Variants in EPM2A observed in about 807,000 individuals in gnomAD.
EPM2A encodes the protein EPM2A glucan phosphatase, laforin.
In EPM2A, 21 loss-of-function variants were observed where a neutral mutation model predicts 26.5. The ratio of observed to expected loss-of-function variants is 0.79; its 90% CI spans 0.56 to 1.14. The LOEUF (loss-of-function observed/expected upper bound fraction) is 1.14, where lower values mean the gene tolerates loss of function less well. Among genes scored for constraint, EPM2A ranks in the 50% most tolerant of loss-of-function variants. EPM2A has a pLI of 0.00. For missense variants in EPM2A, 458 were observed against 440.8 expected (o/e 1.04, Z -0.35); for synonymous variants, 217 against 177.6 (o/e 1.22, Z -1.76).
At chr6:145,560,300 T>C (rs1023531657) in intron 2 of EPM2A, among the ~76,000 whole-genome samples, 14 of 152,160 alleles carry the variant, frequency 9.2e-5, no homozygotes, top group Non-Finnish European at 1.8e-4. Flanking sequence ...AAATGTCTCA[T>C]AGCATATGAG....
chr6:145,591,023 A>G (rs528693125), intron 2 of EPM2A, among the ~76,000 whole-genome samples: 2 of 152,296 alleles, frequency 1.3e-5, no homozygotes, highest in South Asian at 4.1e-4. Context: ...ACATAAGCAG[A>G]GAGATAAGAA....
chr6:145,423,242 C>T (rs1778812048), intron 4 of EPM2A, among the ~76,000 whole-genome samples: 4 of 152,060 alleles, frequency 2.6e-5, no homozygotes. Context: ...TTGCTTCATC[C>T]CTCTGAAAGG....
chr6:145,403,445 A>G (rs964666835), intron 4 of EPM2A, among the ~76,000 whole-genome samples: 3 of 150,382 alleles, frequency 2.0e-5, no homozygotes, highest in African/African-American at 7.4e-5. Flanking sequence ...GCCTCTGGTA[A>G]CCACCCTCTT....
chr6:145,677,749 C>A (rs1378550973), intron 2 of EPM2A, among the ~76,000 whole-genome samples: 1 of 152,140 alleles, frequency 6.6e-6, no homozygotes, highest in Non-Finnish European at 1.5e-5. Flanking sequence ...TTAAGGAGAA[C>A]TACAAACCAC....
At chr6:145,697,442 A>G (rs936416333) in intron 1 of EPM2A, among the ~76,000 whole-genome samples, 3 of 152,130 alleles carry the variant, frequency 2.0e-5, no homozygotes, top group Admixed American at 1.3e-4. Context: ...TCGGGCACAC[A>G]TTGTCAATGA....
chr6:145,418,613 A>G (rs955473883), intron 4 of EPM2A, among the ~76,000 whole-genome samples: 1 of 152,188 alleles, frequency 6.6e-6, no homozygotes, highest in Non-Finnish European at 1.5e-5. Context: ...TTCCTTGGGT[A>G]ACAACACCCT....
intron 4 of EPM2A, among the ~76,000 whole-genome samples, chr6:145,432,663 G>C (rs1422892298): frequency 6.6e-6 from 1 of 152,100 alleles, no homozygotes; most frequent in African/African-American, 2.4e-5. Flanking sequence ...TTTTAGAATG[G>C]TAAATGAGTA....
chr6:145,706,816 A>T (rs1461488846), intron 1 of EPM2A, among the ~76,000 whole-genome samples: 1 of 152,214 alleles, frequency 6.6e-6, no homozygotes, highest in African/African-American at 2.4e-5. Context: ...TTATTTGAAG[A>T]GGCCACTTGC....
intron 2 of EPM2A, among the ~76,000 whole-genome samples, chr6:145,527,694 A>T (rs1270243576): frequency 6.6e-6 from 1 of 152,124 alleles, no homozygotes; most frequent in Non-Finnish European, 1.5e-5. Context: ...TCTTAAAGAC[A>T]GAAGAAGGAT....
chr6:145,501,670 A>AC (rs1779891785), exon 4 of EPM2A: 2 of 408,662 alleles, frequency 4.9e-6, no homozygotes, highest in African/African-American at 4.1e-5. Context: ...AGAAGGAGTT[A>AC]CGAAGATTGT....
intron 4 of EPM2A, among the ~76,000 whole-genome samples, chr6:145,404,150 T>C (rs1778535099): frequency 6.6e-6 from 1 of 152,098 alleles, no homozygotes; most frequent in African/African-American, 2.4e-5. Context: ...GAGCTCCTTA[T>C]ATATCCTGGT....
chr6:145,409,273 G>T (rs1405682659), intron 4 of EPM2A, among the ~76,000 whole-genome samples: 1 of 151,994 alleles, frequency 6.6e-6, no homozygotes, highest in Admixed American at 6.6e-5. Context: ...TCTGGGAAGT[G>T]ATCACAAAAA....
chr6:145,645,730 A>T (rs1777411490), intron 2 of EPM2A, among the ~76,000 whole-genome samples: 2 of 152,004 alleles, frequency 1.3e-5, no homozygotes, highest in African/African-American at 4.8e-5. Flanking sequence ...CCTCCCAAGT[A>T]GCTGGGACTA....
At chr6:145,524,598 T>G (rs1180997084) in intron 2 of EPM2A, among the ~76,000 whole-genome samples, 1 of 152,176 alleles carries the variant, frequency 6.6e-6, no homozygotes, top group Non-Finnish European at 1.5e-5. Flanking sequence ...TCTGTTCACA[T>G]CCTTTGCCCA....
intron 1 of EPM2A, among the ~76,000 whole-genome samples, chr6:145,725,475 A>G (rs1291836618): frequency 6.6e-6 from 1 of 152,084 alleles, no homozygotes; most frequent in Non-Finnish European, 1.5e-5. Context: ...CTACACAAAA[A>G]TCTGCACACC....
At chr6:145,414,759 C>A (rs1043224701) in intron 4 of EPM2A, among the ~76,000 whole-genome samples, 1 of 152,110 alleles carries the variant, frequency 6.6e-6, no homozygotes, top group African/African-American at 2.4e-5. Context: ...TCCTCCTCAA[C>A]CCTGAATCCA....
chr6:145,674,761 G>T (rs967371904), intron 2 of EPM2A, among the ~76,000 whole-genome samples: 3 of 151,884 alleles, frequency 2.0e-5, no homozygotes, highest in Non-Finnish European at 4.4e-5. Flanking sequence ...AACAAAAAAA[G>T]CCTCCGAGAA....
intron 2 of EPM2A, among the ~76,000 whole-genome samples, chr6:145,654,296 C>G (rs965260431): frequency 5.3e-5 from 8 of 152,072 alleles, no homozygotes; most frequent in Non-Finnish European, 8.8e-5. Context: ...ATTCTCCTGC[C>G]TCAGCCTCCC....
chr6:145,461,120 TC>T (rs1455078091), intron 4 of EPM2A, among the ~76,000 whole-genome samples: 2 of 152,200 alleles, frequency 1.3e-5, no homozygotes, highest in Non-Finnish European at 2.9e-5. Flanking sequence ...TCAACTATGA[TC>T]TTTCTTTTAC....
Sources: allele counts gnomAD v4.1 joint callset (sites outside exome capture counted in the v4.1 genomes callset), GRCh38; gene constraint gnomAD v4.1.1; transcripts MANE v1.5; gene names NCBI Gene and HGNC (gene_info 2026-07-23, HGNC 2026-07-21).